CCDC192: variants seen among roughly 807,000 people sequenced by gnomAD.
The protein encoded by CCDC192 is coiled-coil domain-containing protein 192.
chr5:127,833,631 G>A (rs1437546091), intron 5 of CCDC192, among the ~76,000 whole-genome samples: 1 of 152,030 alleles, frequency 6.6e-6, no homozygotes, highest in Non-Finnish European at 1.5e-5. Flanking sequence ...ATATTCAGGG[G>A]GTACCTGTGG....
At chr5:127,925,311 C>T (rs1753834369) in intron 6 of CCDC192, among the ~76,000 whole-genome samples, 1 of 130,262 alleles carries the variant, frequency 7.7e-6, no homozygotes, top group Non-Finnish European at 1.5e-5. Flanking sequence ...GAGAATTTCT[C>T]TATAACTTTT....
chr5:127,783,737 G>A (rs56148708), intron 3 of CCDC192, among the ~76,000 whole-genome samples: 2,138 of 152,220 alleles, frequency 0.014, 23 homozygotes, highest in African/African-American at 0.03. Flanking sequence ...GAGTATTGAA[G>A]TCCCCTACTA....
At chr5:127,703,616 C>A in intron 1 of CCDC192, 109 bp downstream of exon 1, 1 of 390,302 alleles carries the variant, frequency 2.6e-6, no homozygotes, top group East Asian at 3.6e-5. Flanking sequence ...TGGGGAATAA[C>A]AGCAGACAGA....
At chr5:127,816,075 A>G (rs891687529) in intron 5 of CCDC192, among the ~76,000 whole-genome samples, 1 of 152,184 alleles carries the variant, frequency 6.6e-6, no homozygotes. Flanking sequence ...GTTGAGATAC[A>G]TTAATATGTG....
intron 5 of CCDC192, among the ~76,000 whole-genome samples, chr5:127,800,376 GAAAAAA>G (rs1168212422): frequency 5.1e-4 from 10 of 19,512 alleles, no homozygotes; most frequent in African/African-American, 2.4e-4. Flanking sequence ...GAGGTATTCT[GAAAAAA>G]AAAAAAAAAA....
chr5:127,900,222 T>C (rs1348749200), intron 6 of CCDC192, among the ~76,000 whole-genome samples: 2 of 152,292 alleles, frequency 1.3e-5, no homozygotes, highest in Admixed American at 6.5e-5. Flanking sequence ...AATATGGAAA[T>C]CCCTAGCACC....
intron 5 of CCDC192, among the ~76,000 whole-genome samples, chr5:127,859,897 T>C (rs1223549266): frequency 6.6e-6 from 1 of 152,236 alleles, no homozygotes; most frequent in Non-Finnish European, 1.5e-5. Flanking sequence ...TTGATTCTTT[T>C]TCATGACCAA....
At chr5:127,834,974 A>G (rs1385601416) in intron 5 of CCDC192, among the ~76,000 whole-genome samples, 1 of 152,236 alleles carries the variant, frequency 6.6e-6, no homozygotes, top group Non-Finnish European at 1.5e-5. Context: ...AAATATTAAA[A>G]TGAAATGGTT....
chr5:127,803,186 T>C (rs972673833), intron 5 of CCDC192, among the ~76,000 whole-genome samples: 3 of 152,246 alleles, frequency 2.0e-5, no homozygotes, highest in Non-Finnish European at 1.5e-5. Flanking sequence ...TTTAATTAAA[T>C]TGATAGCTAT....
chr5:127,716,611 T>C (rs937208936), intron 2 of CCDC192, among the ~76,000 whole-genome samples: 2 of 152,218 alleles, frequency 1.3e-5, no homozygotes, highest in African/African-American at 4.8e-5. Flanking sequence ...TGTTTTATTC[T>C]TGATAGGTTG....
chr5:127,826,328 G>A (rs999607483), intron 5 of CCDC192, among the ~76,000 whole-genome samples: 1 of 152,126 alleles, frequency 6.6e-6, no homozygotes, highest in African/African-American at 2.4e-5. Context: ...CTTATACTCT[G>A]TTAGTGAAAA....
At chr5:127,729,322 A>G (rs1214794313) in intron 2 of CCDC192, among the ~76,000 whole-genome samples, 3 of 152,244 alleles carry the variant, frequency 2.0e-5, no homozygotes, top group African/African-American at 7.2e-5. Context: ...ACTATCCTAA[A>G]TATATATGCA....
At chr5:127,812,816 G>A (rs1053192926) in intron 5 of CCDC192, among the ~76,000 whole-genome samples, 3 of 152,144 alleles carry the variant, frequency 2.0e-5, no homozygotes, top group African/African-American at 7.2e-5. Context: ...TACGAGTTTT[G>A]CAACTGAAAA....
chr5:127,908,356 C>T (rs1753255596), intron 6 of CCDC192, among the ~76,000 whole-genome samples: 1 of 152,164 alleles, frequency 6.6e-6, no homozygotes, highest in African/African-American at 2.4e-5. Flanking sequence ...CAGGTTCTTA[C>T]TCAGAACTAA....
chr5:127,811,427 C>G (rs546692476), intron 5 of CCDC192, among the ~76,000 whole-genome samples: 6 of 152,196 alleles, frequency 3.9e-5, no homozygotes, highest in Admixed American at 6.5e-5. Flanking sequence ...TGTTTTAAGG[C>G]TGAACTTACT....
At chr5:127,879,981 C>T (rs1752280725) in intron 6 of CCDC192, among the ~76,000 whole-genome samples, 1 of 152,062 alleles carries the variant, frequency 6.6e-6, no homozygotes, top group African/African-American at 2.4e-5. Context: ...CACATTTACA[C>T]TGTTGGTGGG....
chr5:127,721,977 T>C (rs1488073938), intron 2 of CCDC192, among the ~76,000 whole-genome samples: 1 of 152,140 alleles, frequency 6.6e-6, no homozygotes, highest in Non-Finnish European at 1.5e-5. Flanking sequence ...CCTCCAACAC[T>C]GGGGGTTACA....
chr5:127,766,763 C>T (rs1755250085), intron 3 of CCDC192, among the ~76,000 whole-genome samples: 1 of 152,194 alleles, frequency 6.6e-6, no homozygotes, highest in Non-Finnish European at 1.5e-5. Flanking sequence ...TGTCCACCCC[C>T]ACTTCCCATC....
chr5:127,714,743 C>T (rs1167130210), intron 2 of CCDC192, among the ~76,000 whole-genome samples: 2 of 152,158 alleles, frequency 1.3e-5, no homozygotes, highest in East Asian at 3.8e-4. Context: ...TACATTCTCA[C>T]CAACAATATA....
Sources: allele counts gnomAD v4.1 joint callset (sites outside exome capture counted in the v4.1 genomes callset), GRCh38; gene constraint gnomAD v4.1.1; transcripts MANE v1.5; gene names NCBI Gene and HGNC (gene_info 2026-07-23, HGNC 2026-07-21).